Variants in TRDMT1 observed in about 807,000 individuals in gnomAD.
TRDMT1 encodes tRNA (cytosine(38)-C(5))-methyltransferase.
TRDMT1 carries 49 observed loss-of-function variants against 51.2 expected under a neutral mutation model. That is an observed-to-expected ratio of 0.96 (90% CI 0.76 to 1.21). The LOEUF (loss-of-function observed/expected upper bound fraction) is 1.21, where lower values mean the gene tolerates loss of function less well. TRDMT1 is among the 50% of genes most tolerant of loss of function. TRDMT1 has a pLI of 0.00. For missense variants in TRDMT1, 534 were observed against 462.3 expected (o/e 1.16, Z -1.42); for synonymous variants, 187 against 164.6 (o/e 1.14, Z -1.04).
chr10:17,161,355 G>T (rs1446039452), intron 5 of TRDMT1, 128 bp downstream of exon 5: 32 of 605,346 alleles, frequency 5.3e-5, no homozygotes, highest in Non-Finnish European at 6.4e-5. Flanking sequence ...CAATACTGAT[G>T]AGTAAGACAT....
intron 1 of TRDMT1, among the ~76,000 whole-genome samples, chr10:17,184,709 G>A (rs1020550470): frequency 6.6e-6 from 1 of 152,130 alleles, no homozygotes; most frequent in Admixed American, 6.5e-5. Context: ...CTTGTCATAA[G>A]ACCTATGCAC....
intron 2 of TRDMT1, among the ~76,000 whole-genome samples, chr10:17,170,453 T>C (rs1841809520): frequency 6.6e-6 from 1 of 152,260 alleles, no homozygotes; most frequent in Non-Finnish European, 1.5e-5. Flanking sequence ...CAGATAATAT[T>C]AGATCAAGTC....
chr10:17,178,610 C>G (rs10904895), intron 1 of TRDMT1, among the ~76,000 whole-genome samples: 62,837 of 146,826 alleles, frequency 0.43, 15,149 homozygotes, highest in South Asian at 0.58. Flanking sequence ...CTGGAGGCAG[C>G]GGGTACAGTG....
chr10:17,189,607 C>T (rs1844418651), intron 1 of TRDMT1, among the ~76,000 whole-genome samples: 1 of 152,026 alleles, frequency 6.6e-6, no homozygotes, highest in South Asian at 2.1e-4. Context: ...ATTGAGAACA[C>T]AAGAAAAACA....
rs1310310565 is a variant in TRDMT1 at position 17,141,072 on chromosome 10, G to C, written c.*7968C>G. ...ATAGTTGACAATGCCACCTCCTTCT[G>C]GTCCTCATGGTTTTGGATGAGACAT... On this transcript the variant is annotated 3_prime_UTR_variant, in exon 11 of 11. Coordinates refer to ENST00000377799, the MANE Select transcript of TRDMT1 (RefSeq NM_004412.7). Among the ~76,000 whole-genome samples the C allele has an allele frequency of 1.3e-5, 2 of 152,236 alleles. No individual in the cohort carries two copies. The highest frequency in any genetic ancestry group is 2.1e-4 in the South Asian group (1 of 4,828).
At position 17,146,917 on chromosome 10, in the gene TRDMT1, T is replaced by C; in HGVS notation, c.*2123A>G. 1 of 985,446 alleles carries C rather than the reference T, an allele frequency of 1.0e-6. No individual in the cohort carries two copies. Among genetic ancestry groups the C allele is most frequent in the Non-Finnish European group, 1.2e-6 (1 of 829,912 alleles). 61.0% of individuals were successfully genotyped at this position (985,446 alleles called of 1,614,324 possible). On this transcript the variant is annotated 3_prime_UTR_variant, in exon 11 of 11. Coordinates refer to ENST00000377799, the MANE Select transcript of TRDMT1 (RefSeq NM_004412.7). ...TGTGAGTTTTATGCTTGTTACTGCA[T>C]ATTTTCAATTATGAATTAAGGGCAA...
intron 1 of TRDMT1, among the ~76,000 whole-genome samples, chr10:17,181,929 A>C (rs565774709): frequency 3.9e-5 from 6 of 151,928 alleles, no homozygotes; most frequent in Non-Finnish European, 8.8e-5. Context: ...AACTTACCTC[A>C]CTCATGCTCT....
chr10:17,185,311 A>G (rs986603706), intron 1 of TRDMT1, among the ~76,000 whole-genome samples: 12 of 152,226 alleles, frequency 7.9e-5, no homozygotes, highest in Non-Finnish European at 1.5e-4. Flanking sequence ...CAAAAGACAC[A>G]TGAAAAAATG....
intron 1 of TRDMT1, among the ~76,000 whole-genome samples, chr10:17,195,863 C>T (rs1845338931): frequency 6.6e-6 from 1 of 151,614 alleles, no homozygotes; most frequent in South Asian, 2.1e-4. Context: ...ATATGACTTG[C>T]TATATAAGAG....
At chr10:17,160,277 T>C (rs1338049088) in intron 6 of TRDMT1, 28 bp downstream of exon 6, 2 of 1,383,820 alleles carry the variant, frequency 1.4e-6, no homozygotes, top group Non-Finnish European at 1.9e-6. Context: ...TTATAATTTA[T>C]ATAAGCATTT....
intron 1 of TRDMT1, among the ~76,000 whole-genome samples, chr10:17,189,613 A>T (rs61841801): frequency 0.14 from 20,796 of 152,186 alleles, 1,514 homozygotes; most frequent in Admixed American, 0.17. Context: ...AACACAAGAA[A>T]AACATCCATT....
intron 1 of TRDMT1, among the ~76,000 whole-genome samples, chr10:17,176,214 T>C (rs1842600414): frequency 6.6e-6 from 1 of 152,204 alleles, no homozygotes; most frequent in South Asian, 2.1e-4. Context: ...ATAAACTTCA[T>C]TGTACTATTT....
At chr10:17,160,063 T>C (rs1840100469) in intron 6 of TRDMT1, among the ~76,000 whole-genome samples, 1 of 152,164 alleles carries the variant, frequency 6.6e-6, no homozygotes, top group African/African-American at 2.4e-5. Context: ...TCCTTTGCTC[T>C]CTAAAAGAGA....
At chr10:17,189,830 C>A (rs1050487929) in intron 1 of TRDMT1, among the ~76,000 whole-genome samples, 1 of 152,090 alleles carries the variant, frequency 6.6e-6, no homozygotes. Context: ...AAGGCATCTG[C>A]CAAAGTCTAT....
rs887021842 is a variant in TRDMT1, at chr10:17,147,865, G to T, written c.*1175C>A. 2.1e-5 allele frequency: 9 copies of T among 419,414 alleles called. No individual in the cohort carries two copies. The highest frequency in any genetic ancestry group is 2.9e-5 in the Non-Finnish European group (9 of 313,114). The allele number at this position is 419,414 out of a possible 1,614,324, so 26.0% of individuals were successfully genotyped here. A position where few individuals can be genotyped will look rare whatever the true frequency, so the allele number is the denominator to read the frequency against. ...TCGCTGAATCATAGGGTAATTCTAT[G>T]TTGAATTTTGTGACGAACCTCCATA... On this transcript the variant is annotated 3_prime_UTR_variant, in exon 11 of 11. Transcript: ENST00000377799.
rs541874486 is a variant in TRDMT1, at chr10:17,146,786, C to T, written c.*2254G>A. 2 of 985,270 alleles carry T rather than the reference C, an allele frequency of 2.0e-6. No individual in the cohort carries two copies. The highest frequency in any genetic ancestry group is 1.7e-5 in the African/African-American group (1 of 57,300). The allele number at this position is 985,270 out of a possible 1,614,324, so 61.0% of individuals were successfully genotyped here. The stretch of plus-strand genomic sequence containing the variant: ...CAAATTTTATATACAGCATTATTAC[C>T]AAAAGCATATAGCAGACATTCCATA... On this transcript the variant is annotated 3_prime_UTR_variant, in exon 11 of 11. Coordinates refer to ENST00000377799, the MANE Select transcript of TRDMT1 (RefSeq NM_004412.7).
In TRDMT1 at chr10:17,201,563, A is replaced by T. The variant is rs1483164344; in HGVS notation, c.64+8T>A. 6.5e-7 allele frequency: 1 copy of T among 1,547,906 alleles called. No homozygotes were observed. Among genetic ancestry groups the T allele is most frequent in the Admixed American group, 2.0e-5 (1 of 50,722 alleles). On this transcript the variant is annotated splice_region_variant and intron_variant, in intron 1 of 10. Coordinates refer to ENST00000377799, the MANE Select transcript of TRDMT1 (RefSeq NM_004412.7). ...GAATAGAGAGAGGGGTGCTAGATGG[A>T]CTCTCACCTCTCAGCGCGTGGTGCA...
intron 1 of TRDMT1, among the ~76,000 whole-genome samples, chr10:17,180,299 G>C (rs981633828): frequency 3.9e-5 from 6 of 152,138 alleles, no homozygotes; most frequent in Non-Finnish European, 7.4e-5. Context: ...CTAGCACTTT[G>C]GGAGGCTGAG....
At chr10:17,194,948 T>TAAA (rs1845192546) in intron 1 of TRDMT1, among the ~76,000 whole-genome samples, 5 of 43,772 alleles carry the variant, frequency 1.1e-4, no homozygotes, top group Non-Finnish European at 4.5e-5. Context: ...AAAAAAAAAG[T>TAAA]CAAAAAAAAA....
Sources: gnomAD v4.1 joint callset for allele counts (sites outside exome capture counted in the v4.1 genomes callset) on GRCh38, gnomAD v4.1.1 for gene constraint, MANE v1.5 for transcripts, NCBI Gene and HGNC (gene_info 2026-07-23, HGNC 2026-07-21) for gene names.